ZFR: variants seen among roughly 807,000 people sequenced by gnomAD.
ZFR encodes the protein zinc finger RNA-binding protein.
In ZFR, 19 loss-of-function variants were observed where a neutral mutation model predicts 130.7. The ratio of observed to expected loss-of-function variants is 0.15; its 90% CI spans 0.10 to 0.21. The LOEUF (loss-of-function observed/expected upper bound fraction) is 0.21, where lower values mean the gene tolerates loss of function less well. Ranked by LOEUF, ZFR falls within the 10% of genes least tolerant of loss-of-function variation. ZFR has a pLI of 1.00. For missense variants in ZFR, 872 were observed against 1,321.5 expected (o/e 0.66, Z 5.27); for synonymous variants, 466 against 456.9 (o/e 1.02, Z -0.25).
In ZFR at chr5:32,355,057, C is replaced by T. The variant is rs555956487; in HGVS notation, c.*703G>A. The T allele has an allele frequency of 6.6e-6, 1 of 152,180 alleles. No homozygotes were observed. Among genetic ancestry groups the T allele is most frequent in the East Asian group, 1.9e-4 (1 of 5,186 alleles). The allele number at this position is 152,180 out of a possible 1,614,324, so 9.4% of individuals were successfully genotyped here. On this transcript the variant is annotated 3_prime_UTR_variant, in exon 20 of 20. Transcript: ENST00000265069. ...AGAGGCTTTAAAACTGTTGCAAGACCATATAGTATATATTAGCTTTTATAC... is the reference window on the plus strand; with the variant it reads ...AGAGGCTTTAAAACTGTTGCAAGACTATATAGTATATATTAGCTTTTATAC...
At chr5:32,368,974 CTT>C (rs1752604306) in intron 17 of ZFR, among the ~76,000 whole-genome samples, 1 of 151,610 alleles carries the variant, frequency 6.6e-6, no homozygotes, top group Non-Finnish European at 1.5e-5. Context: ...GCACAACAGA[CTT>C]TGATTTGTAA....
chr5:32,439,804 T>TAAAAA lies in ZFR; in HGVS notation c.137+4420_137+4424dup, dbSNP rs11446399. Among the ~76,000 whole-genome samples, 608 of 72,398 alleles carry TAAAAA rather than the reference T, an allele frequency of 8.4e-3. 10 individuals are homozygous for TAAAAA. Among genetic ancestry groups the TAAAAA allele is most frequent in the African/African-American group, 0.03 (592 of 19,686 alleles). 47.5% of individuals were successfully genotyped at this position (72,398 alleles called of 152,430 possible). Reference sequence around the variant, plus strand: ...GGGTGAGAGAGCGAGACCATGTCTTTAAAAAAAAAAAAAAAAAAAAAAAAG... The same window carrying TAAAAA: ...GGGTGAGAGAGCGAGACCATGTCTTTAAAAAAAAAAAAAAAAAAAAAAAAAAAAAG... On this transcript the variant is annotated intron_variant, in intron 2 of 19. Transcript: ENST00000265069.
At chr5:32,361,084 A>C (rs1246339412) in intron 19 of ZFR, among the ~76,000 whole-genome samples, 1 of 152,158 alleles carries the variant, frequency 6.6e-6, no homozygotes, top group African/African-American at 2.4e-5. Context: ...CAAAGTCTTG[A>C]GATTACAGGC....
chr5:32,376,142 T>G (rs1752803374), intron 17 of ZFR, among the ~76,000 whole-genome samples: 1 of 151,934 alleles, frequency 6.6e-6, no homozygotes, highest in Admixed American at 6.6e-5. Context: ...ATGCCCAGTT[T>G]TAAATTAGTT....
intron 12 of ZFR, 27 bp from the exon 13 acceptor site, chr5:32,388,701 T>A (rs1554071931): frequency 9.6e-6 from 15 of 1,555,506 alleles, no homozygotes; most frequent in South Asian, 2.4e-5. Context: ...TTGCTCAATT[T>A]AAAAAAAAGT....
chr5:32,431,934 C>T (rs1754234668), intron 2 of ZFR, among the ~76,000 whole-genome samples: 1 of 152,002 alleles, frequency 6.6e-6, no homozygotes, highest in Non-Finnish European at 1.5e-5. Flanking sequence ...AGATGATCTT[C>T]CCACCTCAGC....
chr5:32,437,649 A>G (rs1754369124), intron 2 of ZFR, among the ~76,000 whole-genome samples: 3 of 152,190 alleles, frequency 2.0e-5, no homozygotes, highest in Admixed American at 2.0e-4. Flanking sequence ...ATAAGCCTGA[A>G]TGGTCTTCTG....
At chr5:32,431,257 C>A (rs1416211707) in intron 2 of ZFR, among the ~76,000 whole-genome samples, 1 of 152,122 alleles carries the variant, frequency 6.6e-6, no homozygotes, top group Non-Finnish European at 1.5e-5. Flanking sequence ...TTGTGTCCAA[C>A]AGTAATTGGT....
chr5:32,422,798 CAAA>C (rs10693151), intron 2 of ZFR, among the ~76,000 whole-genome samples: 22 of 24,006 alleles, frequency 9.2e-4, no homozygotes, highest in East Asian at 6.8e-3. Context: ...AAACCTGTCT[CAAA>C]AAAAAAAAAA....
intron 17 of ZFR, among the ~76,000 whole-genome samples, chr5:32,371,833 G>A (rs1217678912): frequency 2.6e-5 from 4 of 151,318 alleles, no homozygotes; most frequent in African/African-American, 9.7e-5. Flanking sequence ...AAAAATAAAG[G>A]TAAGATCTTC....
intron 8 of ZFR, among the ~76,000 whole-genome samples, chr5:32,402,226 G>A (rs1213960161): frequency 6.6e-6 from 1 of 152,120 alleles, no homozygotes; most frequent in Non-Finnish European, 1.5e-5. Flanking sequence ...CACATAGGCA[G>A]GAGAACCAAT....
At chr5:32,393,509 A>AT (rs201643191) in intron 11 of ZFR, among the ~76,000 whole-genome samples, 1,765 of 152,200 alleles carry the variant, frequency 0.012, 31 homozygotes, top group African/African-American at 0.041. Context: ...ACGCCGGCTA[A>AT]TTTTGTATTT....
chr5:32,430,049 TAG>T (rs1159328041), intron 2 of ZFR, among the ~76,000 whole-genome samples: 1 of 127,996 alleles, frequency 7.8e-6, no homozygotes, highest in Non-Finnish European at 1.5e-5. Flanking sequence ...GCCTGGGATG[TAG>T]CCTGGGTGAC....
intron 14 of ZFR, 22 bp from the exon 15 acceptor site, chr5:32,385,671 A>G: frequency 6.2e-7 from 1 of 1,610,466 alleles, no homozygotes; most frequent in Non-Finnish European, 8.5e-7. Context: ...AGATGATAAG[A>G]AACAAATTGG....
chr5:32,417,290 C>A (rs575126864), intron 4 of ZFR, among the ~76,000 whole-genome samples: 1 of 152,084 alleles, frequency 6.6e-6, no homozygotes, highest in African/African-American at 2.4e-5. Context: ...AAAATATGGG[C>A]CCATTAAAGG....
intron 2 of ZFR, among the ~76,000 whole-genome samples, chr5:32,439,641 G>C (rs1275051025): frequency 6.6e-6 from 1 of 151,844 alleles, no homozygotes; most frequent in Non-Finnish European, 1.5e-5. Context: ...AAAAGTGGCT[G>C]TTTACAACTC....
At position 32,355,504 on chromosome 5, in the gene ZFR, A is replaced by G. The variant is rs1752284246; in HGVS notation, c.*256T>C. The G allele has an allele frequency of 3.8e-6, 1 of 265,968 alleles. No individual in the cohort carries two copies. Among genetic ancestry groups the G allele is most frequent in the African/African-American group, 2.2e-5 (1 of 45,394 alleles). The allele number at this position is 265,968 out of a possible 1,614,324, so 16.5% of individuals were successfully genotyped here. On this transcript the variant is annotated 3_prime_UTR_variant, in exon 20 of 20. Transcript: ENST00000265069. ...TAGGGGGGGAAGCTAGGGCAACCAG[A>G]AAATAAAATAAAAATAATGGGAAAA...
intron 13 of ZFR, 31 bp downstream of exon 13, chr5:32,388,438 T>C (rs1446484178): frequency 1.2e-6 from 2 of 1,603,820 alleles, no homozygotes; most frequent in Admixed American, 3.4e-5. Flanking sequence ...AAAACCAAAA[T>C]TACACATGGT....
chr5:32,414,701 CCTTT>C (rs1353944186), intron 5 of ZFR, among the ~76,000 whole-genome samples: 1 of 152,128 alleles, frequency 6.6e-6, no homozygotes, highest in Non-Finnish European at 1.5e-5. Flanking sequence ...GGTGTTACTT[CCTTT>C]AATTGCAATG....
Sources: gnomAD v4.1 joint callset for allele counts (sites outside exome capture counted in the v4.1 genomes callset) on GRCh38, gnomAD v4.1.1 for gene constraint, MANE v1.5 for transcripts, NCBI Gene and HGNC (gene_info 2026-07-23, HGNC 2026-07-21) for gene names.